Variants in KCNH1 observed in about 807,000 individuals in gnomAD.
KCNH1 encodes the protein potassium voltage-gated channel subfamily H member 1.
In KCNH1, 27 loss-of-function variants were observed where a neutral mutation model predicts 69.2. The observed-to-expected ratio is 0.39, with a 90% CI of 0.29 to 0.54. The LOEUF (loss-of-function observed/expected upper bound fraction) is 0.54. KCNH1 is among the 20% of genes least tolerant of loss of function. The pLI is 0.68. For missense variants in KCNH1, 798 were observed against 1,261.6 expected, an observed-to-expected ratio of 0.63 and a Z score of 5.57; for synonymous variants, 456 against 487.7, an observed-to-expected ratio of 0.93 and a Z score of 0.86.
chr1:210,861,392 A>C, intron 7 of KCNH1: 1 of 778,096 alleles, frequency 1.3e-6, no homozygotes, highest in Non-Finnish European at 2.4e-6. Context: ...ACCAACAACA[A>C]ATTCCTTCAG....
intron 9 of KCNH1, among the ~76,000 whole-genome samples, chr1:210,781,391 C>T (rs77064579): frequency 3.3e-5 from 5 of 152,068 alleles, no homozygotes; most frequent in African/African-American, 1.2e-4. Context: ...TTCCTCTTCC[C>T]TAGGGTATCA....
intron 10 of KCNH1, among the ~76,000 whole-genome samples, chr1:210,755,460 A>G (rs926658329): frequency 1.3e-5 from 2 of 152,222 alleles, no homozygotes; most frequent in African/African-American, 4.8e-5. Flanking sequence ...CTGTCTCAAC[A>G]TGCAGCATAA....
At chr1:211,026,844 A>G (rs1360013452) in intron 5 of KCNH1, among the ~76,000 whole-genome samples, 8 of 152,160 alleles carry the variant, frequency 5.3e-5, no homozygotes, top group Non-Finnish European at 1.2e-4. Flanking sequence ...GAGGAGCTGG[A>G]ATTCCTATCT....
intron 5 of KCNH1, among the ~76,000 whole-genome samples, chr1:211,026,891 G>A (rs1689694242): frequency 6.6e-6 from 1 of 152,126 alleles, no homozygotes; most frequent in Admixed American, 6.5e-5. Context: ...CCCCACTCAG[G>A]TGTCAATGGA....
chr1:210,906,116 G>C (rs1019826999), intron 7 of KCNH1, among the ~76,000 whole-genome samples: 1 of 152,186 alleles, frequency 6.6e-6, no homozygotes, highest in Non-Finnish European at 1.5e-5. Flanking sequence ...AAAGTCATGG[G>C]CTCTATTTTC....
At chr1:210,967,460 C>A in intron 6 of KCNH1, among the ~76,000 whole-genome samples, 1 of 152,010 alleles carries the variant, frequency 6.6e-6, no homozygotes, top group South Asian at 2.1e-4. Context: ...TTTATTTTAT[C>A]TGAAGCTTCT....
At chr1:211,068,460 A>T (rs562359627) in intron 5 of KCNH1, among the ~76,000 whole-genome samples, 338 of 152,254 alleles carry the variant, frequency 2.2e-3, no homozygotes, top group African/African-American at 7.7e-3. Flanking sequence ...CAGTGGCACA[A>T]TCTTGGCTCA....
intron 4 of KCNH1, among the ~76,000 whole-genome samples, chr1:211,087,808 C>G (rs1385871786): frequency 6.6e-6 from 1 of 152,114 alleles, no homozygotes; most frequent in Non-Finnish European, 1.5e-5. Context: ...AGAGGCCTAC[C>G]TAGCTCATAA....
At chr1:210,970,907 C>T (rs558525357) in intron 6 of KCNH1, among the ~76,000 whole-genome samples, 8 of 152,180 alleles carry the variant, frequency 5.3e-5, no homozygotes, top group Non-Finnish European at 1.0e-4. Flanking sequence ...GGTCTAATAT[C>T]CAGAATTTAC....
intron 10 of KCNH1, among the ~76,000 whole-genome samples, chr1:210,759,569 C>T (rs1179881510): frequency 6.6e-6 from 1 of 151,886 alleles, no homozygotes; most frequent in African/African-American, 2.4e-5. Context: ...GAAAGTATTT[C>T]AGAACTCTAA....
chr1:210,885,967 G>A (rs1394319011), intron 7 of KCNH1, among the ~76,000 whole-genome samples: 1 of 152,120 alleles, frequency 6.6e-6, no homozygotes, highest in South Asian at 2.1e-4. Flanking sequence ...GTGGGCACAG[G>A]TTCAGTAGAC....
intron 7 of KCNH1, among the ~76,000 whole-genome samples, chr1:210,887,537 C>T (rs1034316404): frequency 6.6e-6 from 1 of 152,096 alleles, no homozygotes; most frequent in African/African-American, 2.4e-5. Context: ...CAAATTCACA[C>T]ATAACCATAT....
At chr1:210,692,058 C>CT (rs1681539492) in intron 10 of KCNH1, among the ~76,000 whole-genome samples, 1 of 152,228 alleles carries the variant, frequency 6.6e-6, no homozygotes, top group African/African-American at 2.4e-5. Context: ...GGTCCACTGG[C>CT]TCTCAGCACA....
chr1:210,841,301 C>A (rs1192593509), intron 7 of KCNH1, among the ~76,000 whole-genome samples: 2 of 152,164 alleles, frequency 1.3e-5, no homozygotes, highest in African/African-American at 2.4e-5. Flanking sequence ...AAAAGGCCAG[C>A]CTTCAAGGCC....
At chr1:210,976,314 G>A (rs534605240) in intron 6 of KCNH1, among the ~76,000 whole-genome samples, 155 of 148,446 alleles carry the variant, frequency 1.0e-3, no homozygotes, top group African/African-American at 3.6e-3. Flanking sequence ...TGTTTACTGC[G>A]GCACTATTCA....
Position 210,859,912 on chromosome 1 carries a change from G to A in KCNH1, c.1463-55746C>T, listed in dbSNP as rs1441364150. ...TTTAGTAATAGGTATGCATTATAAT[G>A]TAAAGCTGCAATTGCAACTTGCATA... On this transcript the variant is annotated intron_variant, in intron 7 of 10. Transcript: ENST00000271751. The A allele has an allele frequency of 7.2e-6, 10 of 1,389,926 alleles. No individual in the cohort carries two copies. In the Admixed American group the frequency reaches 1.7e-4, roughly 23 times the overall value. 86.1% of individuals were successfully genotyped at this position (1,389,926 alleles called of 1,614,324 possible). A position where few individuals can be genotyped will look rare whatever the true frequency, so the allele number is the denominator to read the frequency against.
At chr1:210,800,667 AGTGCAGTGGG>A (rs1459468628) in intron 8 of KCNH1, among the ~76,000 whole-genome samples, 14 of 152,096 alleles carry the variant, frequency 9.2e-5, no homozygotes, top group African/African-American at 3.4e-4. Context: ...CCTCTCTCTG[AGTGCAGTGGG>A]GAGGTCTCAA....
chr1:210,715,591 C>T (rs1682210474), intron 10 of KCNH1, among the ~76,000 whole-genome samples: 1 of 151,590 alleles, frequency 6.6e-6, no homozygotes, highest in African/African-American at 2.4e-5. Flanking sequence ...ATAAAAACAT[C>T]CCCAGAAGTT....
intron 6 of KCNH1, among the ~76,000 whole-genome samples, chr1:210,973,685 A>T (rs1688552830): frequency 6.6e-6 from 1 of 152,182 alleles, no homozygotes; most frequent in Admixed American, 6.5e-5. Flanking sequence ...GCAAACTTAC[A>T]ATTTTAAAGC....
Sources: allele counts gnomAD v4.1 joint callset (sites outside exome capture counted in the v4.1 genomes callset), GRCh38; gene constraint gnomAD v4.1.1; transcripts MANE v1.5; gene names NCBI Gene and HGNC (gene_info 2026-07-23, HGNC 2026-07-21).